FKTN: variants seen among roughly 807,000 people sequenced by gnomAD.
FKTN encodes the protein fukutin.
Under a neutral mutation model 58.6 loss-of-function variants are expected in FKTN, and 47 were observed. The observed-to-expected ratio is 0.80, with a 90% CI of 0.63 to 1.02. The LOEUF is 1.02. Among genes scored for constraint, FKTN ranks in the 50% least tolerant of loss-of-function variants. The pLI, the probability that FKTN is intolerant of heterozygous loss-of-function variation, is 0.00. For synonymous variants in FKTN, 178 were observed against 191.9 expected (o/e 0.93, Z 0.60); for missense variants, 516 against 537.3 (o/e 0.96, Z 0.39).
At chr9:105,628,695 A>G (rs1337986520) in intron 10 of FKTN, among the ~76,000 whole-genome samples, 1 of 152,236 alleles carries the variant, frequency 6.6e-6, no homozygotes, top group Non-Finnish European at 1.5e-5. Flanking sequence ...TAGTTATAAA[A>G]TTATGATATA....
At position 105,638,245 on chromosome 9, in the gene FKTN, C is replaced by T. The variant is rs929989896; in HGVS notation, c.*2981C>T. 2 of 985,220 alleles carry T rather than the reference C, an allele frequency of 2.0e-6. No individual in the cohort carries two copies. The highest frequency in any genetic ancestry group is 1.2e-4 in the Admixed American group (2 of 16,258). 61.0% of individuals were successfully genotyped at this position (985,220 alleles called of 1,614,324 possible). A position where few individuals can be genotyped will look rare whatever the true frequency, so the allele number is the denominator to read the frequency against. ...TGCTTGAGATGCTTAACAGAGAAGG[C>T]ATCCAGTGCTTCATTGAGGCTAAGT... On this transcript the variant is annotated 3_prime_UTR_variant, in exon 11 of 11. Coordinates refer to ENST00000357998, the MANE Select transcript of FKTN (RefSeq NM_001079802.2).
chr9:105,590,851 C>G (rs1421470463), intron 3 of FKTN, among the ~76,000 whole-genome samples: 1 of 152,088 alleles, frequency 6.6e-6, no homozygotes, highest in Non-Finnish European at 1.5e-5. Flanking sequence ...GTAGAGGAAG[C>G]ATGATGCTAG....
intron 2 of FKTN, 95 bp downstream of exon 2, chr9:105,573,841 G>A (rs1030753085): frequency 1.3e-5 from 2 of 152,200 alleles, no homozygotes; most frequent in African/African-American, 4.8e-5. Flanking sequence ...GGAATATTTA[G>A]CACTACAGGA....
intron 10 of FKTN, 96 bp from the exon 11 acceptor site, chr9:105,634,955 A>G (rs1588313899): frequency 1.1e-6 from 1 of 938,134 alleles, no homozygotes; most frequent in East Asian, 2.4e-5. Flanking sequence ...GTGTAATGGG[A>G]GAGCACTGTC....
intron 3 of FKTN, among the ~76,000 whole-genome samples, chr9:105,595,241 TTAGA>T (rs1306948559): frequency 1.5e-4 from 23 of 152,252 alleles, no homozygotes; most frequent in Admixed American, 8.5e-4. Flanking sequence ...TATTCTGGAA[TTAGA>T]TAGTGGTAAT....
At chr9:105,626,384 A>G (rs1228530301) in intron 10 of FKTN, among the ~76,000 whole-genome samples, 1 of 152,188 alleles carries the variant, frequency 6.6e-6, no homozygotes, top group African/African-American at 2.4e-5. Context: ...CTGGTTGTAG[A>G]CTGCTGATTT....
chr9:105,639,409 G>T lies in FKTN; in HGVS notation c.*4145G>T. ...GGGATTTATGGTGGGGGCCCTTTCA[G>T]TCTCAATTTCCACATTAGTGAACTG... On this transcript the variant is annotated 3_prime_UTR_variant, in exon 11 of 11. Transcript: ENST00000357998. The T allele has an allele frequency of 4.5e-6, 3 of 667,150 alleles. No individual in the cohort carries two copies. The highest frequency in any genetic ancestry group is 5.6e-6 in the Non-Finnish European group (3 of 539,420). 41.3% of individuals were successfully genotyped at this position (667,150 alleles called of 1,614,324 possible). A position where few individuals can be genotyped will look rare whatever the true frequency, so the allele number is the denominator to read the frequency against.
In FKTN at chr9:105,640,223, C is replaced by G; in HGVS notation, c.*4959C>G. 1 of 1,439,362 alleles carries G rather than the reference C, an allele frequency of 6.9e-7. No homozygotes were observed. Among genetic ancestry groups the G allele is most frequent in the East Asian group, 2.6e-5 (1 of 38,726 alleles). 89.2% of individuals were successfully genotyped at this position (1,439,362 alleles called of 1,614,324 possible). Reference sequence around the variant, plus strand: ...CAATACCTTTTGTATAGGTCCTGTGCTTAAAGGAGGCAAGTATAAATTTTC... The same window carrying G: ...CAATACCTTTTGTATAGGTCCTGTGGTTAAAGGAGGCAAGTATAAATTTTC... On this transcript the variant is annotated 3_prime_UTR_variant, in exon 11 of 11. Coordinates refer to ENST00000357998, the MANE Select transcript of FKTN (RefSeq NM_001079802.2).
chr9:105,611,298 G>A (rs1228583165), intron 7 of FKTN, among the ~76,000 whole-genome samples: 1 of 151,978 alleles, frequency 6.6e-6, no homozygotes, highest in Admixed American at 6.6e-5. Context: ...TTTTTTTAGA[G>A]GTATAGTAAT....
chr9:105,636,870 G>A lies in FKTN; in HGVS notation c.*1606G>A. On this transcript the variant is annotated 3_prime_UTR_variant, in exon 11 of 11. Transcript: ENST00000357998. ...CAACCACCCATTCCGGATTTGTAAAGCAACATGAAAACCTTTGATAAATGA... is the reference window on the plus strand; with the variant it reads ...CAACCACCCATTCCGGATTTGTAAAACAACATGAAAACCTTTGATAAATGA... 8.9e-7 allele frequency: 1 copy of A among 1,124,244 alleles called. No individual in the cohort carries two copies. 69.6% of individuals were successfully genotyped at this position (1,124,244 alleles called of 1,614,324 possible). A position where few individuals can be genotyped will look rare whatever the true frequency, so the allele number is the denominator to read the frequency against.
Position 105,636,028 on chromosome 9 carries a change from C to T in FKTN, c.*764C>T. The stretch of plus-strand genomic sequence containing the variant: ...CCTCTGATGGCACTTGTTGACAAAT[C>T]ATTCAAGTGAGACCATGTTACTAGA... On this transcript the variant is annotated 3_prime_UTR_variant, in exon 11 of 11. Coordinates refer to ENST00000357998, the MANE Select transcript of FKTN (RefSeq NM_001079802.2). 1 of 985,398 alleles carries T rather than the reference C, an allele frequency of 1.0e-6. No homozygotes were observed. The highest frequency in any genetic ancestry group is 1.2e-6 in the Non-Finnish European group (1 of 829,932). The allele number at this position is 985,398 out of a possible 1,614,324, so 61.0% of individuals were successfully genotyped here.
At position 105,637,250 on chromosome 9, in the gene FKTN, T is replaced by C. The variant is rs772371679; in HGVS notation, c.*1986T>C. 2 of 985,752 alleles carry C rather than the reference T, an allele frequency of 2.0e-6. No homozygotes were observed. The highest frequency in any genetic ancestry group is 2.4e-6 in the Non-Finnish European group (2 of 830,092). The allele number at this position is 985,752 out of a possible 1,614,324, so 61.1% of individuals were successfully genotyped here. On this transcript the variant is annotated 3_prime_UTR_variant, in exon 11 of 11. Transcript: ENST00000357998. ...CATTTCCAATTGGGACTCCCATTCT[T>C]TGCCAGGAGATCTTACCCATCCCTT...
Position 105,639,368 on chromosome 9 carries a change from T to G in FKTN, c.*4104T>G. On this transcript the variant is annotated 3_prime_UTR_variant, in exon 11 of 11. Transcript: ENST00000357998. ...TTTTGAGTTAGGCCTGAATTTGAAT[T>G]TCAGCTTAATCATGTGGGATTTATG... 1.2e-6 allele frequency: 1 copy of G among 822,434 alleles called. No individual in the cohort carries two copies. The highest frequency in any genetic ancestry group is 1.5e-6 in the Non-Finnish European group (1 of 681,398). The allele number at this position is 822,434 out of a possible 1,614,324, so 50.9% of individuals were successfully genotyped here.
Position 105,637,616 on chromosome 9 carries a change from C to A in FKTN, c.*2352C>A. ...TTCAGTACCTCATTGGATCACTTTT[C>A]TTTCATCACTTGAGTATTCTAGCAG... On this transcript the variant is annotated 3_prime_UTR_variant, in exon 11 of 11. Coordinates refer to ENST00000357998, the MANE Select transcript of FKTN (RefSeq NM_001079802.2). 1.2e-5 allele frequency: 12 copies of A among 985,446 alleles called. No homozygotes were observed. The highest frequency in any genetic ancestry group is 1.4e-5 in the Non-Finnish European group (12 of 829,938). 61.0% of individuals were successfully genotyped at this position (985,446 alleles called of 1,614,324 possible). A position where few individuals can be genotyped will look rare whatever the true frequency, so the allele number is the denominator to read the frequency against.
intron 10 of FKTN, among the ~76,000 whole-genome samples, chr9:105,631,404 C>A (rs890186166): frequency 6.6e-6 from 1 of 152,066 alleles, no homozygotes; most frequent in Non-Finnish European, 1.5e-5. Context: ...AAATTCTTGT[C>A]AAGAATGGCT....
At chr9:105,591,936 A>G (rs1340772689) in intron 3 of FKTN, among the ~76,000 whole-genome samples, 1 of 152,222 alleles carries the variant, frequency 6.6e-6, no homozygotes, top group Non-Finnish European at 1.5e-5. Flanking sequence ...AGCCTCAGCT[A>G]TACCTGTGCC....
At chr9:105,631,466 G>C (rs1361135759) in intron 10 of FKTN, among the ~76,000 whole-genome samples, 1 of 152,046 alleles carries the variant, frequency 6.6e-6, no homozygotes, top group Non-Finnish European at 1.5e-5. Flanking sequence ...AAAAAGCCAG[G>C]TTCGGGAACA....
chr9:105,565,834 A>G (rs1839475314), intron 1 of FKTN, among the ~76,000 whole-genome samples: 1 of 152,226 alleles, frequency 6.6e-6, no homozygotes. Context: ...ACCCCAAATC[A>G]ACAGAATATA....
chr9:105,580,328 T>C (rs997177797), intron 3 of FKTN, among the ~76,000 whole-genome samples: 1 of 152,074 alleles, frequency 6.6e-6, no homozygotes, highest in Non-Finnish European at 1.5e-5. Flanking sequence ...CCATGTTTAG[T>C]GCTTCCTTCA....
Sources: gnomAD v4.1 joint callset for allele counts (sites outside exome capture counted in the v4.1 genomes callset) on GRCh38, gnomAD v4.1.1 for gene constraint, MANE v1.5 for transcripts, NCBI Gene and HGNC (gene_info 2026-07-23, HGNC 2026-07-21) for gene names.